Variants in MAP3K12 observed in about 807,000 individuals in gnomAD.
MAP3K12 encodes the protein mitogen-activated protein kinase kinase kinase 12, also known as MAPK-upstream kinase.
MAP3K12 carries 14 observed loss-of-function variants against 87.5 expected under a neutral mutation model. The observed-to-expected ratio is 0.16, with a 90% CI of 0.11 to 0.25. The LOEUF (loss-of-function observed/expected upper bound fraction) is 0.25, where lower values mean the gene tolerates loss of function less well. MAP3K12 is among the 10% of genes least tolerant of loss of function. The pLI, the probability that MAP3K12 is intolerant of heterozygous loss-of-function variation, is 1.00. For synonymous variants in MAP3K12, 469 were observed against 452.5 expected (o/e 1.04, Z -0.46); for missense variants, 802 against 1,140.4 (o/e 0.70, Z 4.27).
rs375959420 is a variant in MAP3K12 at position 53,482,227 on chromosome 12, G to A, written c.2310-16C>T. The A allele has an allele frequency of 3.1e-6, 5 of 1,614,126 alleles. No homozygotes were observed. The East Asian group carries it at 1.1e-4, about 36-fold the overall frequency. On this transcript the variant is annotated splice_polypyrimidine_tract_variant and intron_variant, in intron 12 of 13. Coordinates refer to ENST00000547488, the MANE Select transcript of MAP3K12 (RefSeq NM_001193511.2). ...CTGAGGCCACCTACATGTTGAAGAGGGGGATTACAGCTTGGTTCTGCCCCT... is the reference window on the plus strand; with the variant it reads ...CTGAGGCCACCTACATGTTGAAGAGAGGGATTACAGCTTGGTTCTGCCCCT...
At chr12:53,497,477 C>T (rs572854893) in intron 1 of MAP3K12, among the ~76,000 whole-genome samples, 38 of 152,300 alleles carry the variant, frequency 2.5e-4, no homozygotes, top group Middle Eastern at 6.8e-3. Flanking sequence ...TGGTCACTGT[C>T]ACAGTCTCCT....
intron 1 of MAP3K12, among the ~76,000 whole-genome samples, chr12:53,488,715 G>A (rs575868308): frequency 2.6e-5 from 4 of 152,124 alleles, no homozygotes; most frequent in South Asian, 2.1e-4. Flanking sequence ...AATCTGGCAC[G>A]GTGTGTTGGC....
chr12:53,479,671 G>GTTTTTTTTTTTTGGT lies in MAP3K12; in HGVS notation c.*1510_*1511insACCAAAAAAAAAAAA. 3 of 202,212 alleles carry GTTTTTTTTTTTTGGT rather than the reference G, an allele frequency of 1.5e-5. No individual in the cohort carries two copies. Among genetic ancestry groups the GTTTTTTTTTTTTGGT allele is most frequent in the African/African-American group, 2.7e-5 (1 of 36,802 alleles). The allele number at this position is 202,212 out of a possible 1,614,324, so 12.5% of individuals were successfully genotyped here. On this transcript the variant is annotated 3_prime_UTR_variant, in exon 14 of 14. Coordinates refer to ENST00000547488, the MANE Select transcript of MAP3K12 (RefSeq NM_001193511.2). ...ATTTAGTTTTATAAGCTTCTCCCTG[G>GTTTTTTTTTTTTGGT]TTTTTTTTTTTTGGCTCATGAATTT...
At position 53,480,301 on chromosome 12, in the gene MAP3K12, A is replaced by G. The variant is rs1204173351; in HGVS notation, c.*881T>C. 6.6e-6 allele frequency: 1 copy of G among 152,198 alleles called. No homozygotes were observed. Among genetic ancestry groups the G allele is most frequent in the Non-Finnish European group, 1.5e-5 (1 of 68,042 alleles). 9.4% of individuals were successfully genotyped at this position (152,198 alleles called of 1,614,324 possible). ...CCTCCATAACAAGTTAGAAGGATGT[A>G]TCTGCTACCATTTATTCCTATAATT... is the stretch of plus-strand genomic sequence containing the variant. On this transcript the variant is annotated 3_prime_UTR_variant, in exon 14 of 14. Transcript: ENST00000547488.
chr12:53,484,043 G>A (rs1943156624), intron 7 of MAP3K12, 23 bp from the exon 8 acceptor site: 1 of 1,605,698 alleles, frequency 6.2e-7, no homozygotes, highest in African/African-American at 1.3e-5. Context: ...AGCAGATGAA[G>A]AGTGAGAGCC....
chr12:53,489,196 A>C (rs1290706887), intron 1 of MAP3K12, among the ~76,000 whole-genome samples: 1 of 151,960 alleles, frequency 6.6e-6, no homozygotes, highest in Admixed American at 6.6e-5. Flanking sequence ...GGGCATGGTG[A>C]TCCTGTGACT....
intron 5 of MAP3K12, 33 bp from the exon 6 acceptor site, chr12:53,485,247 CCCTAG>C: frequency 6.2e-7 from 1 of 1,601,394 alleles, no homozygotes; most frequent in Non-Finnish European, 8.5e-7. Context: ...TGTGCTCAAG[CCCTAG>C]AAGTTGCCCA....
chr12:53,483,297 G>A, intron 10 of MAP3K12, 52 bp downstream of exon 10: 1 of 1,596,684 alleles, frequency 6.3e-7, no homozygotes, highest in Non-Finnish European at 8.5e-7. Flanking sequence ...TATACCTGTT[G>A]CCACTTCAGT....
At position 53,481,327 on chromosome 12, in the gene MAP3K12, C is replaced by T. The variant is rs916356020; in HGVS notation, c.2581-47G>A. 3.5e-6 allele frequency: 4 copies of T among 1,151,188 alleles called. No individual in the cohort carries two copies. In the African/African-American group the frequency reaches 4.9e-5, roughly 14 times the overall value. The allele number at this position is 1,151,188 out of a possible 1,614,324, so 71.3% of individuals were successfully genotyped here. ...GAGTGAGATTCCTTGGGGTTCTTTG[C>T]TGGGGTCATTTTAATAGCCAGTGGC... On this transcript the variant is annotated intron_variant, in intron 13 of 13. Transcript: ENST00000547488.
chr12:53,495,048 A>G (rs925954428), intron 1 of MAP3K12, among the ~76,000 whole-genome samples: 53 of 151,956 alleles, frequency 3.5e-4, no homozygotes, highest in African/African-American at 1.2e-3. Context: ...ACCAGACTAA[A>G]TTAAAAAAAG....
At chr12:53,485,501 GTCCACACCCC>G in intron 4 of MAP3K12, 26 bp from the exon 5 acceptor site, 4 of 1,608,024 alleles carry the variant, frequency 2.5e-6, no homozygotes, top group Non-Finnish European at 3.4e-6. Flanking sequence ...GTCAGCTGGG[GTCCACACCCC>G]TCCACACACC....
At chr12:53,499,848 T>A (rs1943644185), upstream of MAP3K12, among the ~76,000 whole-genome samples, 1 of 152,164 alleles carries the variant, frequency 6.6e-6, no homozygotes, top group Non-Finnish European at 1.5e-5. Context: ...AGGTCCCACC[T>A]CAGGCCTCAG....
intron 1 of MAP3K12, among the ~76,000 whole-genome samples, chr12:53,489,915 C>T (rs943227841): frequency 4.6e-5 from 7 of 152,204 alleles, no homozygotes; most frequent in Non-Finnish European, 8.8e-5. Context: ...GTTCAACCCT[C>T]ATTAGCTGTC....
At position 53,487,299 on chromosome 12, in the gene MAP3K12, T is replaced by C. The variant is rs752438466; in HGVS notation, c.93A>G (p.Pro31=). 1 of 1,613,886 alleles carries C rather than the reference T, an allele frequency of 6.2e-7. No individual in the cohort carries two copies. The change falls in exon 2 of 14, where the codon CCA becomes CCG. Residue 31 remains proline (P), a synonymous_variant. Coordinates refer to ENST00000547488, the MANE Select transcript of MAP3K12 (RefSeq NM_001193511.2). ...LSEASMRKLD[P]DTSDCTPEKD... ...TCTCGGGAGTGCAGTCAGAAGTGTCTGGGTCCAGCTTGCGCATGGATGCCT... is the reference window on the plus strand; with the variant it reads ...TCTCGGGAGTGCAGTCAGAAGTGTCCGGGTCCAGCTTGCGCATGGATGCCT...
At position 53,482,724 on chromosome 12, in the gene MAP3K12, T is replaced by C. The variant is rs1943102436; in HGVS notation, c.2079A>G (p.Gly693=). 6.2e-7 allele frequency: 1 copy of C among 1,613,898 alleles called. No individual in the cohort carries two copies. Among genetic ancestry groups the C allele is most frequent in the African/African-American group, 1.3e-5 (1 of 75,008 alleles). ...CTGGAGGAGGTGGTTCCCCTTTGGCTCCCCCAGGTGAATCTGGGCTGGTGG... is the reference window on the plus strand; with the variant it reads ...CTGGAGGAGGTGGTTCCCCTTTGGCCCCCCCAGGTGAATCTGGGCTGGTGG... ...PGSTSPDSPG[G]AKGEPPPPVG... The change falls in exon 11 of 14, where the codon GGA becomes GGG. Residue 693 remains glycine, a synonymous_variant. Coordinates refer to ENST00000547488, the MANE Select transcript of MAP3K12 (RefSeq NM_001193511.2).
At chr12:53,485,813 CCCAAAG>C (rs1156835734) in intron 4 of MAP3K12, 1 of 540,532 alleles carries the variant, frequency 1.9e-6, no homozygotes, top group African/African-American at 1.9e-5. Flanking sequence ...GCCTCGGCCT[CCCAAAG>C]TGTTGGGATT....
chr12:53,483,059 T>C lies in MAP3K12; in HGVS notation c.1744A>G (p.Lys582Glu), dbSNP rs1402225402. 2 of 1,545,422 alleles carry C rather than the reference T, an allele frequency of 1.3e-6. No homozygotes were observed. The highest frequency in any genetic ancestry group is 1.7e-6 in the Non-Finnish European group (2 of 1,147,468). Residue 582 changes from lysine (K) to glutamate (E), a missense_variant, in exon 11 of 14, where the codon AAG (lysine) becomes GAG (glutamate). Transcript: ENST00000547488. Reference protein sequence around the residue: ...RSRRGKTRHRKASAKGSCGDL... With the variant: ...RSRRGKTRHREASAKGSCGDL... ...CCACAGCTCCCCTTGGCGCTGGCCTTGCGGTGACGGGTCTTGCCACGGCGA... is the reference window on the plus strand; with the variant it reads ...CCACAGCTCCCCTTGGCGCTGGCCTCGCGGTGACGGGTCTTGCCACGGCGA...
rs1324041911 is a variant in MAP3K12, at chr12:53,483,133, C to T, written c.1670G>A (p.Gly557Glu). 2 of 1,520,296 alleles carry T rather than the reference C, an allele frequency of 1.3e-6. No homozygotes were observed. Among genetic ancestry groups the T allele is most frequent in the Non-Finnish European group, 1.8e-6 (2 of 1,136,280 alleles). The allele number at this position is 1,520,296 out of a possible 1,614,324, so 94.2% of individuals were successfully genotyped here. A position where few individuals can be genotyped will look rare whatever the true frequency, so the allele number is the denominator to read the frequency against. Residue 557 changes from glycine to glutamate, a missense_variant, in exon 11 of 14, where the codon GGG becomes GAG. Coordinates refer to ENST00000547488, the MANE Select transcript of MAP3K12 (RefSeq NM_001193511.2). ...LLPKLDAALS[G>E]VGLPGCPKGP... Reference sequence around the variant, plus strand: ...CTTAGGACACCCAGGAAGCCCCACCCCACTCAGGGCTGCATCTAGTTTAGG... The same window carrying T: ...CTTAGGACACCCAGGAAGCCCCACCTCACTCAGGGCTGCATCTAGTTTAGG...
rs1943243561 is a variant in MAP3K12, at chr12:53,486,951, C to G, written c.441G>C (p.Gln147His). 6.2e-7 allele frequency: 1 copy of G among 1,612,116 alleles called. No homozygotes were observed. The highest frequency in any genetic ancestry group is 1.3e-5 in the African/African-American group (1 of 74,872). ...TCCCACAAGGACGTGGCCTACCTTCCTGCTGCTGCTTGTGCTCAGTGGAGT... is the reference window on the plus strand; with the variant it reads ...TCCCACAAGGACGTGGCCTACCTTCGTGCTGCTGCTTGTGCTCAGTGGAGT... ...KAYSTEHKQQ[Q>H]EDLWEVPFEE... is the part of the protein sequence containing the mutation. Residue 147 changes from glutamine (Q) to histidine (H), a missense_variant, in exon 2 of 14, where the codon CAG becomes CAC. Transcript: ENST00000547488. This position sits in a 1 kb window ranked among gnomAD's most constrained non-coding sequence, Gnocchi z 4.9.
Sources: allele counts gnomAD v4.1 joint callset (sites outside exome capture counted in the v4.1 genomes callset), GRCh38; gene constraint gnomAD v4.1.1; non-coding constraint Gnocchi (gnomAD v3.1); transcripts MANE v1.5; gene names NCBI Gene and HGNC (gene_info 2026-07-23, HGNC 2026-07-21).